The following FGGY variants were observed in gnomAD, a reference collection of about 807,000 sequenced individuals.
The protein encoded by FGGY is FGGY carbohydrate kinase domain-containing protein.
Under a neutral mutation model 71.3 loss-of-function variants are expected in FGGY, and 72 were observed. That is an observed-to-expected ratio of 1.01 (90% confidence interval 0.84 to 1.23). FGGY has a LOEUF of 1.23. Among genes scored for constraint, FGGY ranks in the 50% most tolerant of loss-of-function variants. FGGY has a pLI of 0.00. For synonymous variants in FGGY, 251 were observed against 250.3 expected (o/e 1.00, Z -0.02); for missense variants, 668 against 682.3 (o/e 0.98, Z 0.23).
At chr1:59,674,439 G>A (rs1184674831) in intron 14 of FGGY, among the ~76,000 whole-genome samples, 1 of 151,984 alleles carries the variant, frequency 6.6e-6, no homozygotes, top group African/African-American at 2.4e-5. Flanking sequence ...CATGAAACAG[G>A]TAAGGCTCAA....
intron 10 of FGGY, among the ~76,000 whole-genome samples, chr1:59,628,894 T>C (rs1284959967): frequency 6.6e-6 from 1 of 152,132 alleles, no homozygotes; most frequent in Non-Finnish European, 1.5e-5. Flanking sequence ...AGTACCTCAC[T>C]GTAAAGGGAA....
At chr1:59,592,525 G>A (rs1049910583) in intron 8 of FGGY, among the ~76,000 whole-genome samples, 13 of 152,046 alleles carry the variant, frequency 8.6e-5, no homozygotes, top group African/African-American at 1.9e-4. Context: ...GCAAAGACTT[G>A]GAACCAACCC....
chr1:59,371,937 A>G (rs1371213957), intron 4 of FGGY, among the ~76,000 whole-genome samples: 1 of 152,216 alleles, frequency 6.6e-6, no homozygotes, highest in Admixed American at 6.5e-5. Context: ...ATAGCACTAA[A>G]TGCCCACAAG....
intron 7 of FGGY, among the ~76,000 whole-genome samples, chr1:59,547,976 C>T (rs2095552891): frequency 6.6e-6 from 1 of 152,112 alleles, no homozygotes; most frequent in African/African-American, 2.4e-5. Context: ...CCCTGGCCTC[C>T]GTTTGCTTAT....
At chr1:59,565,999 C>T (rs181572625) in intron 8 of FGGY, among the ~76,000 whole-genome samples, 7 of 152,158 alleles carry the variant, frequency 4.6e-5, no homozygotes, top group South Asian at 2.1e-4. Flanking sequence ...TGAAGACATG[C>T]GGCTGACTTC....
intron 8 of FGGY, among the ~76,000 whole-genome samples, chr1:59,566,104 G>T (rs765363978): frequency 1.3e-5 from 2 of 151,914 alleles, no homozygotes; most frequent in African/African-American, 2.4e-5. Flanking sequence ...CACATCTGTT[G>T]TGTGGGTGAT....
At chr1:59,302,700 AG>A (rs2042951833) in intron 1 of FGGY, among the ~76,000 whole-genome samples, 1 of 151,894 alleles carries the variant, frequency 6.6e-6, no homozygotes, top group Non-Finnish European at 1.5e-5. Context: ...AGGAGGAAAG[AG>A]GATTAGAAAA....
At chr1:59,389,439 C>T (rs2060449165) in intron 5 of FGGY, among the ~76,000 whole-genome samples, 1 of 152,210 alleles carries the variant, frequency 6.6e-6, no homozygotes, top group Admixed American at 6.5e-5. Context: ...CTATTGTGTG[C>T]ATATACTACA....
intron 6 of FGGY, among the ~76,000 whole-genome samples, chr1:59,493,130 C>CACAA (rs3220800): frequency 1.5e-4 from 22 of 150,392 alleles, no homozygotes; most frequent in Admixed American, 2.7e-4. Context: ...CACACACACA[C>CACAA]AAAACAGAAA....
At chr1:59,677,229 A>C (rs1412983882) in intron 14 of FGGY, among the ~76,000 whole-genome samples, 3 of 152,216 alleles carry the variant, frequency 2.0e-5, no homozygotes, top group Admixed American at 6.5e-5. Flanking sequence ...TCTGTGATTC[A>C]TATTTTCAAC....
At chr1:59,666,562 C>T (rs1341662712) in intron 12 of FGGY, among the ~76,000 whole-genome samples, 1 of 152,158 alleles carries the variant, frequency 6.6e-6, no homozygotes, top group Non-Finnish European at 1.5e-5. Flanking sequence ...GTTTAATGAA[C>T]TTAGCAAGAC....
chr1:59,750,676 C>T (rs1437723024), intron 14 of FGGY, among the ~76,000 whole-genome samples: 1 of 152,094 alleles, frequency 6.6e-6, no homozygotes, highest in Non-Finnish European at 1.5e-5. Flanking sequence ...AGGTGCAGGT[C>T]AAAAGATGAC....
chr1:59,395,217 C>T (rs144549082), intron 5 of FGGY, among the ~76,000 whole-genome samples: 4 of 152,094 alleles, frequency 2.6e-5, no homozygotes, highest in Non-Finnish European at 4.4e-5. Flanking sequence ...TTTATAACCC[C>T]GGTACAGAGT....
chr1:59,299,111 G>A (rs1170443375), intron 1 of FGGY, among the ~76,000 whole-genome samples: 3 of 152,212 alleles, frequency 2.0e-5, no homozygotes, highest in Non-Finnish European at 2.9e-5. Context: ...ACATGGGGAA[G>A]CCATTTGGGG....
intron 6 of FGGY, among the ~76,000 whole-genome samples, chr1:59,510,297 T>C (rs928022527): frequency 2.0e-5 from 3 of 152,140 alleles, no homozygotes; most frequent in Non-Finnish European, 4.4e-5. Flanking sequence ...ATGGGTCCTA[T>C]TGTACCCTTC....
At chr1:59,557,112 G>A (rs1367999066) in intron 8 of FGGY, among the ~76,000 whole-genome samples, 1 of 152,178 alleles carries the variant, frequency 6.6e-6, no homozygotes, top group Non-Finnish European at 1.5e-5. Context: ...TAACACCTTT[G>A]TGAGGTCTAG....
chr1:59,322,043 A>ATC (rs891227862), intron 2 of FGGY, among the ~76,000 whole-genome samples: 32 of 152,214 alleles, frequency 2.1e-4, no homozygotes, highest in Non-Finnish European at 4.3e-4. Flanking sequence ...GAATTCACTG[A>ATC]TCACCTTATT....
At chr1:59,682,428 T>A (rs2097509430) in intron 14 of FGGY, among the ~76,000 whole-genome samples, 1 of 152,186 alleles carries the variant, frequency 6.6e-6, no homozygotes, top group Non-Finnish European at 1.5e-5. Flanking sequence ...TTGAGAGGGT[T>A]TAAAAGAGGG....
chr1:59,703,305 G>A (rs2097725715), intron 14 of FGGY, among the ~76,000 whole-genome samples: 1 of 152,122 alleles, frequency 6.6e-6, no homozygotes, highest in African/African-American at 2.4e-5. Flanking sequence ...TTTACTGAGT[G>A]CCTTCCATGT....
Sources: allele counts gnomAD v4.1 joint callset (sites outside exome capture counted in the v4.1 genomes callset), GRCh38; gene constraint gnomAD v4.1.1; transcripts MANE v1.5; gene names NCBI Gene and HGNC (gene_info 2026-07-23, HGNC 2026-07-21).